Variants in FBLN1 observed in about 807,000 individuals in gnomAD.
The protein encoded by FBLN1 is fibulin 1, also known as fibulin-1.
A neutral mutation model predicts 89.7 loss-of-function variants in FBLN1; 34 were observed. The ratio of observed to expected loss-of-function variants is 0.38; its 90% CI spans 0.29 to 0.50. The LOEUF (loss-of-function observed/expected upper bound fraction) is 0.50. FBLN1 is among the 20% of genes least tolerant of loss of function. The probability of loss-of-function intolerance (pLI) is 0.92; values close to 1 mark genes in which losing one functional copy is unlikely to be tolerated. For synonymous variants in FBLN1, 393 were observed against 391.3 expected (o/e 1.00, Z -0.05); for missense variants, 777 against 988.1 (o/e 0.79, Z 2.86).
rs1297044211 is a variant in FBLN1 at position 45,537,089 on chromosome 22, C to T, written c.922+1752C>T. On this transcript the variant is annotated intron_variant, in intron 8 of 16. Coordinates refer to ENST00000327858, the MANE Select transcript of FBLN1 (RefSeq NM_006486.3). This position sits in a 1 kb window ranked among gnomAD's most constrained non-coding sequence, Gnocchi z 5.7. ...GGTCCTGCCTTTGAGGTCAGAGAGACTTTTTAGGAGAAGAGGTGAGGAATC... is the reference window on the plus strand; with the variant it reads ...GGTCCTGCCTTTGAGGTCAGAGAGATTTTTTAGGAGAAGAGGTGAGGAATC... Among the ~76,000 whole-genome samples the T allele has an allele frequency of 6.6e-6, 1 of 152,162 alleles. No homozygotes were observed. Among genetic ancestry groups the T allele is most frequent in the Non-Finnish European group, 1.5e-5 (1 of 68,034 alleles).
intron 11 of FBLN1, among the ~76,000 whole-genome samples, chr22:45,543,867 G>A (rs536921750): frequency 7.9e-5 from 12 of 152,178 alleles, no homozygotes; most frequent in Non-Finnish European, 1.5e-4. Flanking sequence ...TGTCCTCCCC[G>A]GGGAGAGGGG....
In FBLN1 at chr22:45,580,810, C is replaced by T. The variant is rs948517579; in HGVS notation, c.1972+3702C>T. 6.6e-6 allele frequency among the ~76,000 whole-genome samples: 1 copy of T among 152,276 alleles called. No homozygotes were observed. The highest frequency in any genetic ancestry group is 1.9e-4 in the East Asian group (1 of 5,158). Reference sequence around the variant, plus strand: ...AACAGAAGAAGAGGGAGAAATGCCCCGAGTCCACTAAGAACCTGCAAGGGC... The same window carrying T: ...AACAGAAGAAGAGGGAGAAATGCCCTGAGTCCACTAAGAACCTGCAAGGGC... On this transcript the variant is annotated intron_variant, in intron 16 of 16. Transcript: ENST00000327858. This position sits in a 1 kb window ranked among gnomAD's most constrained non-coding sequence, Gnocchi z 8.6.
chr22:45,565,273 C>G, intron 14 of FBLN1: 1 of 1,335,782 alleles, frequency 7.5e-7, no homozygotes. Context: ...TGAAGCATAG[C>G]CTCCTTGGAA....
intron 2 of FBLN1, among the ~76,000 whole-genome samples, chr22:45,521,594 G>A (rs574423174): frequency 3.3e-5 from 5 of 152,294 alleles, no homozygotes; most frequent in East Asian, 3.9e-4. Flanking sequence ...CAAACCCCAC[G>A]CAGCCTGTGC....
At chr22:45,534,296 A>AAAAAAAAAAAAAAAAAAAAAAAC (rs2088453880) in intron 7 of FBLN1, among the ~76,000 whole-genome samples, 1 of 11,636 alleles carries the variant, frequency 8.6e-5, no homozygotes. Flanking sequence ...TTTCTACAAA[A>AAAAAAAAAAAAAAAAAAAAAAAC]AAAAAAAAAA....
At chr22:45,593,704 C>T (rs3788670) in intron 16 of FBLN1, among the ~76,000 whole-genome samples, 45,189 of 151,784 alleles carry the variant, frequency 0.3, 10,032 homozygotes, top group African/African-American at 0.63. Flanking sequence ...TGCTCTCACC[C>T]GGAGCCTTCA....
chr22:45,576,156 T>G lies in FBLN1; in HGVS notation c.1841-821T>G, dbSNP rs145055888. ...GGAATAACGCTGAATCGTCACAGGG[T>G]GGCACAGACTTGGGTCAGAGAAAAT... On this transcript the variant is annotated intron_variant, in intron 15 of 16. Transcript: ENST00000327858. This position sits in a 1 kb window ranked among gnomAD's most constrained non-coding sequence, Gnocchi z 5.2. Among the ~76,000 whole-genome samples, 2,306 of 152,280 alleles carry G rather than the reference T, an allele frequency of 0.015. 36 individuals are homozygous for G. Among genetic ancestry groups the G allele is most frequent in the Non-Finnish European group, 0.023 (1,560 of 68,014 alleles).
intron 14 of FBLN1, chr22:45,565,348 A>G (rs1038950219): frequency 1.5e-5 from 18 of 1,165,156 alleles, no homozygotes; most frequent in Non-Finnish European, 1.8e-5. Flanking sequence ...GCCCCACCCC[A>G]GCTCATCCAT....
chr22:45,512,321 A>G (rs527963252), intron 1 of FBLN1, among the ~76,000 whole-genome samples: 1 of 152,102 alleles, frequency 6.6e-6, no homozygotes, highest in African/African-American at 2.4e-5. Context: ...CTGACTGATC[A>G]GGCAGTTGGT....
At chr22:45,526,274 C>A (rs1602176419) in intron 3 of FBLN1, among the ~76,000 whole-genome samples, 1 of 152,228 alleles carries the variant, frequency 6.6e-6, no homozygotes, top group South Asian at 2.1e-4. Context: ...GTCCTCTTCC[C>A]TGAGTGCTCC....
Position 45,524,652 on chromosome 22 carries a change from C to T in FBLN1, c.186-891C>T, listed in dbSNP as rs543366129. Among the ~76,000 whole-genome samples the T allele has an allele frequency of 5.9e-5, 9 of 152,304 alleles. No individual in the cohort carries two copies. The South Asian group carries it at 6.2e-4, about 11-fold the overall frequency. On this transcript the variant is annotated intron_variant, in intron 2 of 16. Transcript: ENST00000327858. Reference sequence around the variant, plus strand: ...GTTGGGCCCAGAGTCAGCCCCCCGCCGCTTTTTGGTTTTCAAATCAGCAGG... The same window carrying T: ...GTTGGGCCCAGAGTCAGCCCCCCGCTGCTTTTTGGTTTTCAAATCAGCAGG...
chr22:45,549,535 G>A lies in FBLN1; in HGVS notation c.1573+791G>A, dbSNP rs1472300132. 6.6e-6 allele frequency among the ~76,000 whole-genome samples: 1 copy of A among 152,244 alleles called. No homozygotes were observed. The highest frequency in any genetic ancestry group is 1.5e-5 in the Non-Finnish European group (1 of 68,046). ...CCCCCTCCGCTTGCCCTGGGCTCTG[G>A]ATGGAAGGCTGGTTGTGTCTGCATT... On this transcript the variant is annotated intron_variant, in intron 13 of 16. Coordinates refer to ENST00000327858, the MANE Select transcript of FBLN1 (RefSeq NM_006486.3). The surrounding 1 kb of genome is among the most constrained non-coding windows in gnomAD (Gnocchi z 5.7).
chr22:45,567,416 G>A (rs2088908944), intron 14 of FBLN1, among the ~76,000 whole-genome samples: 1 of 152,218 alleles, frequency 6.6e-6, no homozygotes, highest in Non-Finnish European at 1.5e-5. Context: ...GGGAGTTCAA[G>A]ACCAGCCTGG....
intron 1 of FBLN1, among the ~76,000 whole-genome samples, chr22:45,518,356 A>G (rs2088199207): frequency 6.6e-6 from 1 of 152,036 alleles, no homozygotes; most frequent in Non-Finnish European, 1.5e-5. Context: ...CTGTCTGGAC[A>G]GGGACCGCAT....
chr22:45,525,494 T>A, intron 2 of FBLN1, 49 bp from the exon 3 acceptor site: 3 of 1,543,890 alleles, frequency 1.9e-6, no homozygotes, highest in Non-Finnish European at 2.6e-6. Flanking sequence ...TCTCGTGCCC[T>A]GGGCCCCCTG....
intron 1 of FBLN1, among the ~76,000 whole-genome samples, chr22:45,507,203 A>C (rs940757048): frequency 2.0e-5 from 3 of 152,176 alleles, no homozygotes; most frequent in East Asian, 1.9e-4. Flanking sequence ...CTTTAACCCC[A>C]CAGTGGTCCT....
At chr22:45,551,035 CT>C (rs1416123509) in intron 14 of FBLN1, 1 of 301,786 alleles carries the variant, frequency 3.3e-6, no homozygotes, top group Admixed American at 4.4e-5. Flanking sequence ...CCGATGTGAC[CT>C]GTTGGACGTT....
intron 16 of FBLN1, among the ~76,000 whole-genome samples, chr22:45,594,387 C>T (rs1176529575): frequency 6.6e-6 from 1 of 152,230 alleles, no homozygotes; most frequent in Non-Finnish European, 1.5e-5. Flanking sequence ...CTGCCTGCCT[C>T]TCCCCAAGAT....
chr22:45,518,575 G>A (rs1246538958), intron 1 of FBLN1, 107 bp from the exon 2 acceptor site: 11 of 817,204 alleles, frequency 1.3e-5, no homozygotes, highest in Non-Finnish European at 1.7e-5. Context: ...CCAGCCTGAT[G>A]CTGTCGTCAA....
Sources: gnomAD v4.1 joint callset for allele counts (sites outside exome capture counted in the v4.1 genomes callset) on GRCh38, gnomAD v4.1.1 for gene constraint, Gnocchi (gnomAD v3.1) non-coding constraint, MANE v1.5 for transcripts, NCBI Gene and HGNC (gene_info 2026-07-23, HGNC 2026-07-21) for gene names.